Variants in DLG1 observed in about 807,000 individuals in gnomAD.
DLG1 encodes discs large MAGUK scaffold protein 1.
DLG1 carries 42 observed loss-of-function variants against 123.4 expected under a neutral mutation model. The ratio of observed to expected loss-of-function variants is 0.34; its 90% CI spans 0.27 to 0.44. The LOEUF (loss-of-function observed/expected upper bound fraction) is 0.44, where lower values mean the gene tolerates loss of function less well. Ranked by LOEUF, DLG1 falls within the 20% of genes least tolerant of loss-of-function variation. The pLI is 1.00. For missense variants in DLG1, 942 were observed against 1,082.6 expected, an observed-to-expected ratio of 0.87 and a Z score of 1.82; for synonymous variants, 317 against 356.2, an observed-to-expected ratio of 0.89 and a Z score of 1.24.
intron 13 of DLG1, among the ~76,000 whole-genome samples, chr3:197,106,984 A>G (rs916231247): frequency 6.6e-6 from 1 of 152,120 alleles, no homozygotes; most frequent in African/African-American, 2.4e-5. Flanking sequence ...TATTTTCATT[A>G]CCCCAAAAAG....
At chr3:197,249,525 C>G (rs1275196947) in intron 4 of DLG1, among the ~76,000 whole-genome samples, 1 of 151,976 alleles carries the variant, frequency 6.6e-6, no homozygotes, top group Non-Finnish European at 1.5e-5. Context: ...TACTCAAACT[C>G]TTTAAAAAAA....
At chr3:197,260,081 A>G (rs1010118627) in intron 4 of DLG1, among the ~76,000 whole-genome samples, 1 of 152,202 alleles carries the variant, frequency 6.6e-6, no homozygotes, top group African/African-American at 2.4e-5. Context: ...TTGGCTATCT[A>G]AAACACATTT....
intron 10 of DLG1, 170 bp downstream of exon 10, chr3:197,136,372 A>G (rs75637757): frequency 0.047 from 26,440 of 561,634 alleles, 790 homozygotes; most frequent in South Asian, 0.055. Context: ...AAGAGAAATG[A>G]CAAATAAAGA....
At chr3:197,143,938 G>C (rs1295406683) in intron 6 of DLG1, among the ~76,000 whole-genome samples, 1 of 152,130 alleles carries the variant, frequency 6.6e-6, no homozygotes, top group African/African-American at 2.4e-5. Flanking sequence ...AAAGGCCACT[G>C]GTGAAACAAG....
chr3:197,131,742 C>T (rs1479661495), intron 10 of DLG1, among the ~76,000 whole-genome samples: 3 of 150,078 alleles, frequency 2.0e-5, no homozygotes, highest in South Asian at 2.1e-4. Flanking sequence ...TACAGGCGCC[C>T]GCCACTACGC....
At chr3:197,218,940 T>A (rs1248771055) in intron 4 of DLG1, among the ~76,000 whole-genome samples, 1 of 152,152 alleles carries the variant, frequency 6.6e-6, no homozygotes, top group Admixed American at 6.5e-5. Flanking sequence ...AAGTCCAGCC[T>A]GACCAACATG....
intron 14 of DLG1, among the ~76,000 whole-genome samples, chr3:197,098,384 C>G (rs1246156442): frequency 1.3e-5 from 2 of 152,182 alleles, no homozygotes; most frequent in Non-Finnish European, 2.9e-5. Context: ...AATATTCTTT[C>G]TTAATGAGTA....
intron 4 of DLG1, among the ~76,000 whole-genome samples, chr3:197,211,221 A>T (rs1336560968): frequency 6.8e-6 from 1 of 146,302 alleles, no homozygotes; most frequent in Non-Finnish European, 1.5e-5. Flanking sequence ...CACAAAGAAG[A>T]GCTGGTACCA....
chr3:197,277,682 C>A (rs1767161613), intron 4 of DLG1, among the ~76,000 whole-genome samples: 1 of 151,934 alleles, frequency 6.6e-6, no homozygotes, highest in South Asian at 2.1e-4. Context: ...ATAAATCAAC[C>A]CTTTTCTACT....
At chr3:197,089,572 A>G (rs1267355773) in intron 15 of DLG1, among the ~76,000 whole-genome samples, 1 of 151,716 alleles carries the variant, frequency 6.6e-6, no homozygotes, top group African/African-American at 2.4e-5. Context: ...TTACTTCTCT[A>G]AAAATAACAA....
At chr3:197,252,367 T>A (rs1483573417) in intron 4 of DLG1, among the ~76,000 whole-genome samples, 1 of 151,998 alleles carries the variant, frequency 6.6e-6, no homozygotes, top group Non-Finnish European at 1.5e-5. Context: ...ATACGAAAAA[T>A]GTGGTATAGA....
chr3:197,229,096 A>G lies in DLG1; in HGVS notation c.319-34507T>C, dbSNP rs1195286903. On this transcript the variant is annotated intron_variant, in intron 4 of 24. Coordinates refer to ENST00000667157, the MANE Select transcript of DLG1 (RefSeq NM_001366207.1). The stretch of plus-strand genomic sequence containing the variant: ...GGCATCTAGTGGGTAGAAGCCAGGG[A>G]TGCTACTAAACATTTTATAACAACA... Among the ~76,000 whole-genome samples the G allele has an allele frequency of 3.3e-5, 5 of 152,188 alleles. No individual in the cohort carries two copies. In the East Asian group the frequency reaches 9.6e-4, roughly 29 times the overall value.
At chr3:197,124,288 T>C (rs1777900480) in intron 11 of DLG1, among the ~76,000 whole-genome samples, 1 of 152,190 alleles carries the variant, frequency 6.6e-6, no homozygotes, top group Non-Finnish European at 1.5e-5. Context: ...TGTTTTTTTA[T>C]TTTTCTTACA....
intron 22 of DLG1, among the ~76,000 whole-genome samples, chr3:197,061,579 C>T (rs1344211437): frequency 1.3e-5 from 1 of 76,278 alleles, no homozygotes; most frequent in African/African-American, 5.3e-5. Context: ...CAATCTGACA[C>T]AGTTCCTCAG....
intron 1 of DLG1, chr3:197,298,206 G>A (rs1301550436): frequency 1.7e-5 from 5 of 292,332 alleles, no homozygotes; most frequent in African/African-American, 8.7e-5. Context: ...GGCGGCTCGC[G>A]CCGAGCCCCG....
chr3:197,296,468 C>T lies in DLG1; in HGVS notation c.29G>A (p.Arg10Lys), dbSNP rs1043372059. 9.9e-6 allele frequency: 16 copies of T among 1,613,462 alleles called. No homozygotes were observed. The highest frequency in any genetic ancestry group is 1.4e-5 in the Non-Finnish European group (16 of 1,179,638). Residue 10 changes from arginine to lysine, a missense_variant, in exon 3 of 25, where the codon AGA becomes AAA. Arg to Lys is a conservative substitution (Grantham distance 26). Coordinates refer to ENST00000667157, the MANE Select transcript of DLG1 (RefSeq NM_001366207.1). ...ATATTCCTCCAAAAGGTGCAATGCTCTCTGGGTATCTGAGAAGAAAAAGCA... is the reference window on the plus strand; with the variant it reads ...ATATTCCTCCAAAAGGTGCAATGCTTTCTGGGTATCTGAGAAGAAAAAGCA... Reference protein sequence around the residue: MPVRKQDTQRALHLLEEYRS... With the variant: MPVRKQDTQKALHLLEEYRS...
intron 11 of DLG1, among the ~76,000 whole-genome samples, chr3:197,126,445 C>T (rs1441265309): frequency 6.6e-6 from 1 of 150,808 alleles, no homozygotes; most frequent in Non-Finnish European, 1.5e-5. Flanking sequence ...CCAGCCTGGG[C>T]AACAAGAGCG....
At chr3:197,255,241 T>C (rs1578804931) in intron 4 of DLG1, among the ~76,000 whole-genome samples, 1 of 152,162 alleles carries the variant, frequency 6.6e-6, no homozygotes, top group African/African-American at 2.4e-5. Flanking sequence ...ACTTTCAACT[T>C]GTTATCAGAA....
intron 4 of DLG1, among the ~76,000 whole-genome samples, chr3:197,242,408 T>C (rs1749391435): frequency 6.6e-6 from 1 of 151,950 alleles, no homozygotes; most frequent in Non-Finnish European, 1.5e-5. Context: ...AAAGAAACAC[T>C]GGAGTTAAAC....
Sources: gnomAD v4.1 joint callset for allele counts (sites outside exome capture counted in the v4.1 genomes callset) on GRCh38, gnomAD v4.1.1 for gene constraint, MANE v1.5 for transcripts, NCBI Gene and HGNC (gene_info 2026-07-23, HGNC 2026-07-21) for gene names.